PHF24: variants seen among roughly 807,000 people sequenced by gnomAD.
PHF24 encodes Galpha inhibitory interacting protein.
PHF24 carries 25 observed loss-of-function variants against 42.6 expected under a neutral mutation model. The ratio of observed to expected loss-of-function variants is 0.59; its 90% CI spans 0.43 to 0.82. PHF24 has a LOEUF of 0.82. Among genes scored for constraint, PHF24 ranks in the 40% least tolerant of loss-of-function variants. PHF24 has a pLI of 0.00. For synonymous variants in PHF24, 185 were observed against 204.8 expected, an observed-to-expected ratio of 0.90 and a Z score of 0.83; for missense variants, 470 against 538.1, an observed-to-expected ratio of 0.87 and a Z score of 1.25.
the PHF24 span, among the ~76,000 whole-genome samples, chr9:34,753,672 A>G: frequency 3.9e-5 from 6 of 152,244 alleles, no homozygotes; most frequent in East Asian, 7.7e-4. Context: ...CAAAAGGAAC[A>G]GAATAGCCAA....
chr9:34,973,225 G>T (rs1195348128), intron 3 of PHF24, among the ~76,000 whole-genome samples: 3 of 152,084 alleles, frequency 2.0e-5, no homozygotes. Context: ...GTCATTCATT[G>T]TATCCATATG....
chr9:34,779,173 A>T, the PHF24 span, among the ~76,000 whole-genome samples: 1 of 152,040 alleles, frequency 6.6e-6, no homozygotes, highest in Non-Finnish European at 1.5e-5. Flanking sequence ...ATAATTTTCC[A>T]CCCTGTGAAA....
At chr9:34,884,615 T>C in the PHF24 span, among the ~76,000 whole-genome samples, 4 of 152,190 alleles carry the variant, frequency 2.6e-5, no homozygotes, top group Admixed American at 2.0e-4. Context: ...TCTAGACTTT[T>C]ACCCCAAGCC....
chr9:34,963,882 T>C (rs1826681320), intron 1 of PHF24, among the ~76,000 whole-genome samples: 1 of 152,212 alleles, frequency 6.6e-6, no homozygotes, highest in Non-Finnish European at 1.5e-5. Flanking sequence ...TTGGTCTCAT[T>C]AGTCTCTGGC....
At chr9:34,731,264 G>T in the PHF24 span, among the ~76,000 whole-genome samples, 4 of 152,156 alleles carry the variant, frequency 2.6e-5, no homozygotes, top group South Asian at 8.3e-4. Context: ...AGCATTTATC[G>T]CTTCTTTGTG....
the PHF24 span, among the ~76,000 whole-genome samples, chr9:34,756,358 C>T: frequency 6.6e-6 from 1 of 152,124 alleles, no homozygotes; most frequent in Admixed American, 6.5e-5. Context: ...CTTGGCCTCC[C>T]GAAGTGCTGG....
At chr9:34,883,394 C>T in the PHF24 span, among the ~76,000 whole-genome samples, 1 of 152,162 alleles carries the variant, frequency 6.6e-6, no homozygotes, top group Non-Finnish European at 1.5e-5. Flanking sequence ...AGCTTCTGCA[C>T]AGCAAAAGAA....
the PHF24 span, among the ~76,000 whole-genome samples, chr9:34,698,383 T>C: frequency 1.8e-4 from 28 of 152,142 alleles, no homozygotes; most frequent in African/African-American, 6.8e-4. Context: ...GCATTTTGGG[T>C]TTTAGAGGCA....
At chr9:34,889,429 G>C in the PHF24 span, 1 of 398,534 alleles carries the variant, frequency 2.5e-6, no homozygotes, top group Non-Finnish European at 4.4e-6. Context: ...TGAGCCTCAG[G>C]GTCCTCTGTT....
At chr9:34,688,940 A>C in the PHF24 span, among the ~76,000 whole-genome samples, 2 of 152,226 alleles carry the variant, frequency 1.3e-5, no homozygotes, top group African/African-American at 4.8e-5. Context: ...ACTATAAGTC[A>C]GGGTGATGAA....
At chr9:34,931,173 C>T in the PHF24 span, among the ~76,000 whole-genome samples, 2 of 151,846 alleles carry the variant, frequency 1.3e-5, no homozygotes, top group Non-Finnish European at 2.9e-5. Flanking sequence ...TCAGGAGATC[C>T]GGACCATCCT....
chr9:34,912,206 G>GA, the PHF24 span, among the ~76,000 whole-genome samples: 2 of 152,112 alleles, frequency 1.3e-5, no homozygotes, highest in Non-Finnish European at 1.5e-5. Flanking sequence ...GGAACTGGGG[G>GA]AAAAAATGCC....
At chr9:34,970,210 G>C (rs1449164055) in intron 1 of PHF24, among the ~76,000 whole-genome samples, 1 of 152,202 alleles carries the variant, frequency 6.6e-6, no homozygotes, top group Non-Finnish European at 1.5e-5. Flanking sequence ...TAGCAGACCA[G>C]CTTTGCAATG....
chr9:34,729,510 G>A, the PHF24 span: 1 of 1,425,036 alleles, frequency 7.0e-7, no homozygotes. Context: ...CCCAGTGCTA[G>A]GCCTTGTCAT....
At chr9:34,977,173 G>A in exon 6 of PHF24, 1 of 1,613,896 alleles carries the variant, frequency 6.2e-7, no homozygotes, top group Non-Finnish European at 8.5e-7. Flanking sequence ...CGTCAGTGAG[G>A]CAGAGTGCCG....
the PHF24 span, among the ~76,000 whole-genome samples, chr9:34,932,957 A>T: frequency 6.7e-6 from 1 of 149,972 alleles, no homozygotes; most frequent in Admixed American, 6.7e-5. Context: ...CCCTCCCCAC[A>T]GTATAAGCTT....
chr9:34,923,478 C>G, the PHF24 span, among the ~76,000 whole-genome samples: 1 of 152,106 alleles, frequency 6.6e-6, no homozygotes, highest in Admixed American at 6.5e-5. Flanking sequence ...TGCTGGGAGA[C>G]TTTTATTATG....
chr9:34,790,456 A>G, the PHF24 span, among the ~76,000 whole-genome samples: 8 of 152,210 alleles, frequency 5.3e-5, no homozygotes, highest in African/African-American at 1.2e-4. Flanking sequence ...AAATGACTCC[A>G]TTTTGATTCT....
chr9:34,952,033 G>A, the PHF24 span, among the ~76,000 whole-genome samples: 2 of 152,142 alleles, frequency 1.3e-5, no homozygotes, highest in Non-Finnish European at 1.5e-5. Context: ...AGAAATACCA[G>A]ACAGTGCAGT....
Sources: gnomAD v4.1 joint callset for allele counts (sites outside exome capture counted in the v4.1 genomes callset) on GRCh38, gnomAD v4.1.1 for gene constraint, MANE v1.5 for transcripts, NCBI Gene and HGNC (gene_info 2026-07-23, HGNC 2026-07-21) for gene names.